The following C1orf159 variants were observed in gnomAD, a reference collection of about 807,000 sequenced individuals.
The protein encoded by C1orf159 is uncharacterized protein C1orf159.
Under a neutral mutation model 25.6 loss-of-function variants are expected in C1orf159, and 19 were observed. The ratio of observed to expected loss-of-function variants is 0.74; its 90% CI spans 0.52 to 1.09. The LOEUF (loss-of-function observed/expected upper bound fraction) is 1.09, where lower values mean the gene tolerates loss of function less well. Among genes scored for constraint, C1orf159 ranks in the 50% least tolerant of loss-of-function variants. The pLI is 0.00. For synonymous variants in C1orf159, 139 were observed against 124.7 expected, an observed-to-expected ratio of 1.12 and a Z score of -0.77; for missense variants, 274 against 290.6, an observed-to-expected ratio of 0.94 and a Z score of 0.42.
intron 3 of C1orf159, chr1:1,091,023 C>A: frequency 2.7e-6 from 4 of 1,476,922 alleles, no homozygotes; most frequent in Non-Finnish European, 3.7e-6. Context: ...GGGGTGACTG[C>A]GGAGTGCGGG....
chr1:1,100,118 G>C (rs1420904651), intron 1 of C1orf159, among the ~76,000 whole-genome samples: 1 of 149,914 alleles, frequency 6.7e-6, no homozygotes, highest in Non-Finnish European at 1.5e-5. Context: ...ATACATAGAC[G>C]GACAGACAGA....
intron 1 of C1orf159, among the ~76,000 whole-genome samples, chr1:1,113,273 G>A (rs1333346987): frequency 2.0e-5 from 3 of 151,928 alleles, no homozygotes; most frequent in South Asian, 2.1e-4. Flanking sequence ...CTGAGGCAGC[G>A]AGAATCGAGG....
chr1:1,083,061 C>A (rs534540592), intron 9 of C1orf159, 74 bp from the exon 10 acceptor site: 1 of 1,309,452 alleles, frequency 7.6e-7, no homozygotes, highest in South Asian at 1.4e-5. Flanking sequence ...TCAGCCCTCA[C>A]CGGAGGCTCT....
chr1:1,101,643 A>G (rs931188442), intron 1 of C1orf159, among the ~76,000 whole-genome samples: 2 of 151,880 alleles, frequency 1.3e-5, no homozygotes, highest in African/African-American at 4.8e-5. Context: ...TGGTCTATCA[A>G]TCAGCTCACA....
chr1:1,094,223 G>C (rs755199130), intron 1 of C1orf159, among the ~76,000 whole-genome samples: 2 of 151,712 alleles, frequency 1.3e-5, no homozygotes, highest in African/African-American at 4.9e-5. Context: ...TCAGCCTCCC[G>C]AGTAGCTGAG....
intron 1 of C1orf159, among the ~76,000 whole-genome samples, chr1:1,099,659 T>A (rs891529948): frequency 4.6e-5 from 7 of 150,928 alleles, no homozygotes; most frequent in African/African-American, 1.7e-4. Context: ...CTGACTATGA[T>A]TGTGGATTGT....
intron 1 of C1orf159, chr1:1,106,814 TGCATGCA>T (rs1168942479): frequency 6.5e-6 from 1 of 152,746 alleles, no homozygotes. Flanking sequence ...GAACCGGGGC[TGCATGCA>T]GCGTGAGTTC....
rs71628937 is a variant in C1orf159 at position 1,108,700 on chromosome 1, C to T, written c.-136+7360G>A. Among the ~76,000 whole-genome samples, 28 of 50,562 alleles carry T rather than the reference C, an allele frequency of 5.5e-4. 5 individuals carry two copies. The highest frequency in any genetic ancestry group is 1.5e-3 in the African/African-American group (11 of 7,212). The allele number at this position is 50,562 out of a possible 152,430, so 33.2% of individuals were successfully genotyped here. On this transcript the variant is annotated intron_variant, in intron 1 of 9. Coordinates refer to ENST00000421241, the MANE Select transcript of C1orf159 (RefSeq NM_017891.5). ...CACAGCCACCATGTCTCAGCACCAT[C>T]CACCACGGCCACCATGTCTCAGCAG...
chr1:1,083,742 G>T, intron 9 of C1orf159: 1 of 648,518 alleles, frequency 1.5e-6, no homozygotes. Flanking sequence ...GGCACGTCCA[G>T]CCTTGATGGA....
Position 1,085,924 on chromosome 1 carries a change from G to A in C1orf159, c.399C>T (p.Leu133=), listed in dbSNP as rs566593717. ...CCCTGGGGAGTTTACTGGAGCGCTT[G>A]AGGTAGAAGAACCCAGCTACGGAGA... ...LILSVAGFFY[L]KRSSKLPRAC... is the part of the protein sequence containing the mutation. The change falls in exon 7 of 10, where the codon CTC becomes CTT. Residue 133 remains leucine, a synonymous_variant. Transcript: ENST00000421241. The A allele has an allele frequency of 6.2e-7, 1 of 1,613,490 alleles. No homozygotes were observed. The highest frequency in any genetic ancestry group is 2.2e-5 in the East Asian group (1 of 44,882).
chr1:1,087,758 G>A lies in C1orf159; in HGVS notation c.149-161C>T, dbSNP rs1299140551. On this transcript the variant is annotated intron_variant, in intron 4 of 9. Transcript: ENST00000421241. The surrounding 1 kb of genome is among the most constrained non-coding windows in gnomAD (Gnocchi z 8.3). ...CGGCAGACAAGGACACCCCCAGGGA[G>A]CATGGCGGGGCCGTGAGCACCCCAC... 5 of 622,290 alleles carry A rather than the reference G, an allele frequency of 8.0e-6. No individual in the cohort carries two copies. The Admixed American group carries it at 8.4e-5, about 10-fold the overall frequency. The allele number at this position is 622,290 out of a possible 1,614,324, so 38.5% of individuals were successfully genotyped here.
At chr1:1,090,903 C>T (rs1044113863) in intron 3 of C1orf159, 1 of 1,550,376 alleles carries the variant, frequency 6.5e-7, no homozygotes, top group Middle Eastern at 1.7e-4. Flanking sequence ...ATTCCCTGAC[C>T]ACAGGCAGAC....
intron 6 of C1orf159, among the ~76,000 whole-genome samples, chr1:1,086,749 C>T (rs115375339): frequency 0.025 from 3,795 of 152,016 alleles, 114 homozygotes; most frequent in African/African-American, 0.082. Flanking sequence ...TGGCCGTGAG[C>T]GTGAACCTGA....
At chr1:1,103,520 T>C (rs1188487367) in intron 1 of C1orf159, among the ~76,000 whole-genome samples, 1 of 152,224 alleles carries the variant, frequency 6.6e-6, no homozygotes, top group East Asian at 1.9e-4. Flanking sequence ...GCAAACGCTG[T>C]CACACCTGCG....
At chr1:1,090,676 G>C (rs1407141732) in intron 3 of C1orf159, 2 of 694,814 alleles carry the variant, frequency 2.9e-6, no homozygotes, top group East Asian at 5.4e-5. Flanking sequence ...GGGCCTGGAA[G>C]AGTAAACCAC....
chr1:1,099,497 G>A (rs112051021), intron 1 of C1orf159, among the ~76,000 whole-genome samples: 46 of 89,176 alleles, frequency 5.2e-4, no homozygotes, highest in African/African-American at 3.5e-3. Flanking sequence ...TAAAATCTCC[G>A]ACTATGATTG....
intron 1 of C1orf159, among the ~76,000 whole-genome samples, chr1:1,105,463 G>A (rs949634671): frequency 2.6e-5 from 4 of 151,856 alleles, no homozygotes; most frequent in East Asian, 1.9e-4. Flanking sequence ...CCGAGATCGC[G>A]CCACCACACC....
chr1:1,102,755 G>A (rs1006787058), intron 1 of C1orf159, among the ~76,000 whole-genome samples: 3 of 151,194 alleles, frequency 2.0e-5, no homozygotes, highest in African/African-American at 4.9e-5. Context: ...ACGAGATCGT[G>A]CCACTGAACT....
In C1orf159 at chr1:1,090,402, A is replaced by G; in HGVS notation, c.99T>C (p.Asp33=). 4 of 1,550,370 alleles carry G rather than the reference A, an allele frequency of 2.6e-6. No individual in the cohort carries two copies. The highest frequency in any genetic ancestry group is 3.5e-6 in the Non-Finnish European group (4 of 1,146,908). ...NTAQLPECCV[D]VVGVNASCPG... Reference sequence around the variant, plus strand: ...GGCAGCTGGCGTTGACGCCCACCACATCCACACAGCACTCGGGCAGCTGGG... The same window carrying G: ...GGCAGCTGGCGTTGACGCCCACCACGTCCACACAGCACTCGGGCAGCTGGG... The change falls in exon 4 of 10, where the codon GAT becomes GAC. Residue 33 remains aspartate (D), a synonymous_variant. Coordinates refer to ENST00000421241, the MANE Select transcript of C1orf159 (RefSeq NM_017891.5).
Sources: gnomAD v4.1 joint callset for allele counts (sites outside exome capture counted in the v4.1 genomes callset) on GRCh38, gnomAD v4.1.1 for gene constraint, Gnocchi (gnomAD v3.1) non-coding constraint, MANE v1.5 for transcripts, NCBI Gene and HGNC (gene_info 2026-07-23, HGNC 2026-07-21) for gene names.